Variants in CCDC47 observed in about 807,000 individuals in gnomAD.
The protein encoded by CCDC47 is PAT complex subunit CCDC47.
CCDC47 carries 41 observed loss-of-function variants against 60.5 expected under a neutral mutation model. That is an observed-to-expected ratio of 0.68 (90% CI 0.53 to 0.88). The LOEUF (loss-of-function observed/expected upper bound fraction) is 0.88, where lower values mean the gene tolerates loss of function less well. Ranked by LOEUF, CCDC47 falls within the 40% of genes least tolerant of loss-of-function variation. CCDC47 has a pLI of 0.00. For missense variants in CCDC47, 513 were observed against 580.9 expected, an observed-to-expected ratio of 0.88 and a Z score of 1.20; for synonymous variants, 195 against 190.7, an observed-to-expected ratio of 1.02 and a Z score of -0.18.
At chr17:63,766,835 G>A in intron 1 of CCDC47, 1 of 979,198 alleles carries the variant, frequency 1.0e-6, no homozygotes, top group Non-Finnish European at 1.2e-6. Context: ...TAGAAAATGA[G>A]AAGGAGGTAA....
chr17:63,752,567 T>C (rs1167252576), intron 10 of CCDC47, 138 bp from the exon 11 acceptor site: 1 of 747,934 alleles, frequency 1.3e-6, no homozygotes, highest in Non-Finnish European at 2.0e-6. Context: ...GCAGAAAATA[T>C]AAATTAAAAT....
chr17:63,763,350 C>CTG (rs2039274269), intron 4 of CCDC47, among the ~76,000 whole-genome samples: 1 of 152,040 alleles, frequency 6.6e-6, no homozygotes, highest in African/African-American at 2.4e-5. Context: ...TGATGAAACT[C>CTG]TGTCTCTACA....
At position 63,747,066 on chromosome 17, in the gene CCDC47, T is replaced by C. The variant is rs373333898; in HGVS notation, c.1372-105A>G. On this transcript the variant is annotated intron_variant, in intron 12 of 12. Transcript: ENST00000225726. ...AAAAAATCCAAATTAGAATACTGCC[T>C]ATAGTATTATTCAAAAACTTAGGCT... 3 of 1,481,576 alleles carry C rather than the reference T, an allele frequency of 2.0e-6. No individual in the cohort carries two copies. In the East Asian group the frequency reaches 7.3e-5, roughly 36 times the overall value. The allele number at this position is 1,481,576 out of a possible 1,614,324, so 91.8% of individuals were successfully genotyped here. A position where few individuals can be genotyped will look rare whatever the true frequency, so the allele number is the denominator to read the frequency against.
chr17:63,766,205 A>C lies in CCDC47; in HGVS notation c.-19-11T>G, dbSNP rs763088961. 1 of 1,584,400 alleles carries C rather than the reference A, an allele frequency of 6.3e-7. No homozygotes were observed. Among genetic ancestry groups the C allele is most frequent in the Admixed American group, 1.9e-5 (1 of 52,114 alleles). On this transcript the variant is annotated splice_polypyrimidine_tract_variant and intron_variant, in intron 1 of 12. Coordinates refer to ENST00000225726, the MANE Select transcript of CCDC47 (RefSeq NM_020198.3). ...CCTTGAGAAAAAAAGCTTAAAAAAA[A>C]AGAGAACCCCAAAATGGATTGCCAT...
Position 63,746,314 on chromosome 17 carries a change from C to A in CCDC47, c.*567G>T, listed in dbSNP as rs1237079676. On this transcript the variant is annotated 3_prime_UTR_variant, in exon 13 of 13. Coordinates refer to ENST00000225726, the MANE Select transcript of CCDC47 (RefSeq NM_020198.3). ...AGCATCTCCCACCTAAAAACATATA[C>A]TACATTATGTTCTGGGTCCCTGAAA... 2 of 152,454 alleles carry A rather than the reference C, an allele frequency of 1.3e-5. No individual in the cohort carries two copies. The highest frequency in any genetic ancestry group is 4.8e-5 in the African/African-American group (2 of 41,444). The allele number at this position is 152,454 out of a possible 1,614,324, so 9.4% of individuals were successfully genotyped here.
chr17:63,749,068 T>A (rs2039142223), intron 12 of CCDC47, among the ~76,000 whole-genome samples: 1 of 151,930 alleles, frequency 6.6e-6, no homozygotes, highest in Non-Finnish European at 1.5e-5. Context: ...TAAGAGATAT[T>A]TATGTTAAGT....
At chr17:63,768,408 C>A (rs1047198817) in intron 1 of CCDC47, among the ~76,000 whole-genome samples, 2 of 152,102 alleles carry the variant, frequency 1.3e-5, no homozygotes, top group Non-Finnish European at 2.9e-5. Context: ...AAAATTGTTA[C>A]ATAGGGTGGT....
rs748172349 is a variant in CCDC47 at position 63,764,163 on chromosome 17, C to T, written c.400G>A (p.Glu134Lys). The T allele has an allele frequency of 1.2e-6, 2 of 1,610,802 alleles. No homozygotes were observed. The highest frequency in any genetic ancestry group is 8.5e-7 in the Non-Finnish European group (1 of 1,178,986). ...ATCAAAATTTCTAGATAATAACTCT[C>T]CCAGCTGTTCTGGAGGTGTGCAGGA... is the stretch of plus-strand genomic sequence containing the variant. ...DVPAHLQNSW[E>K]SYYLEILMVT... Residue 134 changes from glutamate to lysine, a missense_variant, in exon 4 of 13, where the codon GAG becomes AAG. Transcript: ENST00000225726.
In CCDC47 at chr17:63,764,171, T is replaced by C. The variant is rs2039280945; in HGVS notation, c.392A>G (p.Asn131Ser). Residue 131 changes from asparagine to serine, a missense_variant, in exon 4 of 13, where the codon AAC (asparagine) becomes AGC (serine). Coordinates refer to ENST00000225726, the MANE Select transcript of CCDC47 (RefSeq NM_020198.3). Reference protein sequence around the residue: ...TIVDVPAHLQNSWESYYLEIL... With the variant: ...TIVDVPAHLQSSWESYYLEIL... ...TTCTAGATAATAACTCTCCCAGCTGTTCTGGAGGTGTGCAGGAACCTAAAA... is the reference window on the plus strand; with the variant it reads ...TTCTAGATAATAACTCTCCCAGCTGCTCTGGAGGTGTGCAGGAACCTAAAA... 3 of 1,607,518 alleles carry C rather than the reference T, an allele frequency of 1.9e-6. No homozygotes were observed. The highest frequency in any genetic ancestry group is 1.7e-4 in the Middle Eastern group (1 of 6,018).
At chr17:63,749,362 C>CT (rs562924363) in intron 12 of CCDC47, among the ~76,000 whole-genome samples, 1 of 151,624 alleles carries the variant, frequency 6.6e-6, no homozygotes, top group South Asian at 2.1e-4. Flanking sequence ...TGCCATTGCA[C>CT]TCTGCCTGGG....
At chr17:63,749,693 G>A (rs1015358064) in intron 12 of CCDC47, among the ~76,000 whole-genome samples, 9 of 151,718 alleles carry the variant, frequency 5.9e-5, no homozygotes, top group South Asian at 4.1e-4. Context: ...AGGCTGCAGC[G>A]AGCTGAGATC....
intron 12 of CCDC47, among the ~76,000 whole-genome samples, chr17:63,750,104 A>C (rs1008199429): frequency 6.6e-6 from 1 of 152,204 alleles, no homozygotes; most frequent in Non-Finnish European, 1.5e-5. Flanking sequence ...GTTCAAAAAA[A>C]TTAAATGATT....
intron 1 of CCDC47, among the ~76,000 whole-genome samples, chr17:63,771,167 G>A (rs1186580509): frequency 6.6e-6 from 1 of 152,024 alleles, no homozygotes; most frequent in East Asian, 1.9e-4. Flanking sequence ...CTACCCATGG[G>A]TTCCACATCT....
chr17:63,759,490 CAAAAAAAAA>C (rs1161033742), intron 6 of CCDC47, among the ~76,000 whole-genome samples: 2 of 5,384 alleles, frequency 3.7e-4, no homozygotes, highest in African/African-American at 5.2e-3. Flanking sequence ...TTCTGTCTCC[CAAAAAAAAA>C]AAAAAAAAAA....
chr17:63,756,176 C>G, intron 8 of CCDC47, 64 bp downstream of exon 8: 1 of 1,076,134 alleles, frequency 9.3e-7, no homozygotes, highest in South Asian at 1.3e-5. Context: ...TACAATGAGA[C>G]TTTTAGGGAG....
At chr17:63,769,180 G>T (rs2039317904) in intron 1 of CCDC47, among the ~76,000 whole-genome samples, 1 of 151,188 alleles carries the variant, frequency 6.6e-6, no homozygotes, top group Non-Finnish European at 1.5e-5. Flanking sequence ...AGCCCAGGAG[G>T]TTGAGGCTTC....
At position 63,758,690 on chromosome 17, in the gene CCDC47, TAA is replaced by T. The variant is rs568309808; in HGVS notation, c.736-2122_736-2121del. Among the ~76,000 whole-genome samples the T allele has an allele frequency of 1.3e-3, 198 of 152,210 alleles. 1 individual carries two copies. The highest frequency in any genetic ancestry group is 6.8e-3 in the Middle Eastern group (2 of 294). On this transcript the variant is annotated intron_variant, in intron 6 of 12. Transcript: ENST00000225726. ...CCAGAAAGATAAAAAATTATAAGCCTAAAAGAGTCTGATATGATATATTTGTT... is the reference window on the plus strand; with the variant it reads ...CCAGAAAGATAAAAAATTATAAGCCTAAGAGTCTGATATGATATATTTGTT...
At chr17:63,751,119 A>G (rs1282482041) in intron 12 of CCDC47, among the ~76,000 whole-genome samples, 1 of 150,718 alleles carries the variant, frequency 6.6e-6, no homozygotes, top group Admixed American at 6.6e-5. Flanking sequence ...GGCTCAAGCA[A>G]TCTGCTTGCC....
chr17:63,770,234 ATTACAGGCAT>A (rs1216472721), intron 1 of CCDC47, among the ~76,000 whole-genome samples: 3 of 151,802 alleles, frequency 2.0e-5, no homozygotes, highest in East Asian at 3.9e-4. Flanking sequence ...AAGTGCTGGG[ATTACAGGCAT>A]TTACAGGCAT....
Sources: allele counts gnomAD v4.1 joint callset (sites outside exome capture counted in the v4.1 genomes callset), GRCh38; gene constraint gnomAD v4.1.1; transcripts MANE v1.5; gene names NCBI Gene and HGNC (gene_info 2026-07-23, HGNC 2026-07-21).